Variants in MAP2 observed in about 807,000 individuals in gnomAD.
MAP2 encodes the protein microtubule associated protein 2, also known as microtubule-associated protein 2.
Under a neutral mutation model 137.6 loss-of-function variants are expected in MAP2, and 14 were observed. The ratio of observed to expected loss-of-function variants is 0.10; its 90% confidence interval spans 0.07 to 0.16. The LOEUF is 0.16. Ranked by LOEUF, MAP2 falls within the 10% of genes least tolerant of loss-of-function variation. The probability of loss-of-function intolerance (pLI) is 1.00; values close to 1 mark genes in which losing one functional copy is unlikely to be tolerated. For missense variants in MAP2, 2,088 were observed against 2,191.5 expected (o/e 0.95, Z 0.94); for synonymous variants, 786 against 782.3 (o/e 1.00, Z -0.08).
At chr2:209,684,734 G>A (rs1412939707) in intron 7 of MAP2, 3 of 152,156 alleles carry the variant, frequency 2.0e-5, no homozygotes, top group Non-Finnish European at 2.9e-5. Context: ...AGGTTACCCT[G>A]TTTTTAGCAT....
At chr2:209,500,452 C>A (rs1163561532) in intron 1 of MAP2, among the ~76,000 whole-genome samples, 1 of 152,142 alleles carries the variant, frequency 6.6e-6, no homozygotes, top group Non-Finnish European at 1.5e-5. Context: ...CACTCCATCT[C>A]CACCTATCAA....
At chr2:209,632,864 C>A (rs1340874206) in intron 4 of MAP2, among the ~76,000 whole-genome samples, 1 of 152,134 alleles carries the variant, frequency 6.6e-6, no homozygotes, top group Non-Finnish European at 1.5e-5. Flanking sequence ...CTACCAGAAC[C>A]TTTCAGTGGC....
intron 2 of MAP2, among the ~76,000 whole-genome samples, chr2:209,546,231 T>A (rs982170007): frequency 6.6e-6 from 1 of 152,230 alleles, no homozygotes; most frequent in Non-Finnish European, 1.5e-5. Context: ...TGTGTATGGA[T>A]GTTTTTATAT....
At chr2:209,498,332 G>C (rs1464799471) in intron 1 of MAP2, among the ~76,000 whole-genome samples, 2 of 152,184 alleles carry the variant, frequency 1.3e-5, no homozygotes, top group Non-Finnish European at 2.9e-5. Flanking sequence ...TTTTAGCTTT[G>C]CAGGGTGCAT....
chr2:209,480,656 G>A (rs551148611), intron 1 of MAP2, among the ~76,000 whole-genome samples: 14 of 152,164 alleles, frequency 9.2e-5, no homozygotes, highest in African/African-American at 3.1e-4. Context: ...GTTGTTTGAG[G>A]TTAATAATAA....
intron 2 of MAP2, among the ~76,000 whole-genome samples, chr2:209,565,488 G>A (rs1003106498): frequency 2.0e-5 from 3 of 151,976 alleles, no homozygotes; most frequent in Admixed American, 1.3e-4. Flanking sequence ...CCAAAGTGCT[G>A]GGATAATAGG....
Position 209,504,112 on chromosome 2 carries a change from A to AG in MAP2, c.-221-3480_-221-3479insG, listed in dbSNP as rs950169332. Among the ~76,000 whole-genome samples the AG allele has an allele frequency of 1.6e-4, 24 of 151,902 alleles. 1 individual carries two copies. The highest frequency in any genetic ancestry group is 6.3e-4 in the South Asian group (3 of 4,792). Reference sequence around the variant, plus strand: ...CCCTGTCTCTGGAAAAAAAAAAAAAAAGAGAGAGACTAAGCAAGATTTTTC... The same window carrying AG: ...CCCTGTCTCTGGAAAAAAAAAAAAAAGAGAGAGAGACTAAGCAAGATTTTTC... On this transcript the variant is annotated intron_variant, in intron 1 of 15. Transcript: ENST00000682079.
chr2:209,587,001 C>A (rs1405048663), intron 3 of MAP2, among the ~76,000 whole-genome samples: 1 of 152,160 alleles, frequency 6.6e-6, no homozygotes, highest in African/African-American at 2.4e-5. Context: ...ATTAAATCAA[C>A]CCAAATGAGC....
chr2:209,708,884 G>C (rs1559631917), intron 12 of MAP2, among the ~76,000 whole-genome samples: 1 of 152,126 alleles, frequency 6.6e-6, no homozygotes, highest in East Asian at 1.9e-4. Context: ...GGAATAATAA[G>C]AGCTGCCCCT....
intron 11 of MAP2, among the ~76,000 whole-genome samples, chr2:209,704,951 CAAT>C (rs1318404993): frequency 6.6e-6 from 1 of 150,430 alleles, no homozygotes; most frequent in Non-Finnish European, 1.5e-5. Flanking sequence ...TTGTACAGTA[CAAT>C]AATAACAAAT....
intron 3 of MAP2, among the ~76,000 whole-genome samples, chr2:209,618,033 C>T (rs1478533697): frequency 1.3e-5 from 2 of 151,672 alleles, no homozygotes; most frequent in African/African-American, 4.8e-5. Flanking sequence ...TTTCATGAAG[C>T]CTTAATTAAC....
At chr2:209,552,636 G>T (rs1015930208) in intron 2 of MAP2, among the ~76,000 whole-genome samples, 7 of 152,104 alleles carry the variant, frequency 4.6e-5, no homozygotes, top group African/African-American at 1.7e-4. Context: ...GCCGAGGCGG[G>T]TGGATCACGA....
intron 10 of MAP2, 94 bp downstream of exon 10, chr2:209,697,145 C>T (rs2060380759): frequency 7.6e-7 from 1 of 1,311,714 alleles, no homozygotes; most frequent in African/African-American, 1.5e-5. Flanking sequence ...TTTTGTTTTT[C>T]TTCCAAGAAT....
At chr2:209,592,332 C>G (rs1458886878) in intron 3 of MAP2, among the ~76,000 whole-genome samples, 1 of 152,100 alleles carries the variant, frequency 6.6e-6, no homozygotes, top group Non-Finnish European at 1.5e-5. Flanking sequence ...CAGATGGTGG[C>G]TGTATTTGGC....
At chr2:209,576,870 A>T (rs1470093496) in intron 2 of MAP2, among the ~76,000 whole-genome samples, 2 of 152,238 alleles carry the variant, frequency 1.3e-5, no homozygotes, top group African/African-American at 2.4e-5. Context: ...TACTTACTCC[A>T]TGTTGGAAAC....
chr2:209,503,931 C>T (rs541845290), intron 1 of MAP2, among the ~76,000 whole-genome samples: 2 of 152,122 alleles, frequency 1.3e-5, no homozygotes, highest in South Asian at 2.1e-4. Flanking sequence ...CCCATCTCTA[C>T]TAAAAAATGC....
intron 12 of MAP2, among the ~76,000 whole-genome samples, chr2:209,709,575 T>TC (rs1299078480): frequency 6.6e-6 from 1 of 152,148 alleles, no homozygotes; most frequent in Non-Finnish European, 1.5e-5. Context: ...AAGTGTAAAC[T>TC]CTTTCCAACT....
chr2:209,664,962 CAAAAAAAA>C (rs67286716), intron 5 of MAP2, among the ~76,000 whole-genome samples: 7 of 51,836 alleles, frequency 1.4e-4, no homozygotes, highest in South Asian at 7.2e-4. Flanking sequence ...AACTCCGTCT[CAAAAAAAA>C]AAAAAAAAAA....
At position 209,434,874 on chromosome 2, in the gene MAP2, T is replaced by TTATATATATGTTATATATATGTTA. The variant is rs1329159934; in HGVS notation, c.-222+10645_-222+10668dup. On this transcript the variant is annotated intron_variant, in intron 1 of 15. Transcript: ENST00000682079. ...GTTATATATATATGTTATATATATG[T>TTATATATATGTTATATATATGTTA]TATATATATGTTATATATATGTTAT... Among the ~76,000 whole-genome samples, 35 of 93,174 alleles carry TTATATATATGTTATATATATGTTA rather than the reference T, an allele frequency of 3.8e-4. 2 individuals carry two copies. The East Asian group carries it at 5.6e-3, about 15-fold the overall frequency. 61.1% of individuals were successfully genotyped at this position (93,174 alleles called of 152,430 possible).
Sources: gnomAD v4.1 joint callset for allele counts (sites outside exome capture counted in the v4.1 genomes callset) on GRCh38, gnomAD v4.1.1 for gene constraint, MANE v1.5 for transcripts, NCBI Gene and HGNC (gene_info 2026-07-23, HGNC 2026-07-21) for gene names.